The following ZNF99 variants were observed in gnomAD, a reference collection of about 807,000 sequenced individuals.
ZNF99 encodes zinc finger protein 99.
Under a neutral mutation model 12.8 loss-of-function variants are expected in ZNF99, and 8 were observed. The ratio of observed to expected loss-of-function variants is 0.62; its 90% CI spans 0.37 to 1.13. ZNF99 has a LOEUF of 1.13. ZNF99 is among the 50% of genes most tolerant of loss of function. The probability of loss-of-function intolerance (pLI) is 0.02; values close to 1 mark genes in which losing one functional copy is unlikely to be tolerated. For missense variants in ZNF99, 1,007 were observed against 1,006.2 expected, an observed-to-expected ratio of 1.00 and a Z score of -0.01; for synonymous variants, 318 against 319.0, an observed-to-expected ratio of 1.00 and a Z score of 0.03.
rs1279651033 is a variant in ZNF99, at chr19:22,754,028, T to A, written c.*3286A>T. ...GTCATGTCTTTTAGGTTTGTAGAGC[T>A]TCTCTCCAGTATGATTTGATAACTT... On this transcript the variant is annotated 3_prime_UTR_variant, in exon 4 of 4. Transcript: ENST00000596209. 2 of 456,038 alleles carry A rather than the reference T, an allele frequency of 4.4e-6. No individual in the cohort carries two copies. Among genetic ancestry groups the A allele is most frequent in the Non-Finnish European group, 8.8e-6 (2 of 226,812 alleles). The allele number at this position is 456,038 out of a possible 1,614,324, so 28.2% of individuals were successfully genotyped here.
At position 22,758,258 on chromosome 19, in the gene ZNF99, T is replaced by C. The variant is rs1407382493; in HGVS notation, c.1651A>G (p.Thr551Ala). 9 of 1,599,668 alleles carry C rather than the reference T, an allele frequency of 5.6e-6. No homozygotes were observed. The highest frequency in any genetic ancestry group is 2.2e-5 in the South Asian group (2 of 90,162). The change falls in exon 4 of 4, where the codon ACC becomes GCC. Residue 551 changes from threonine to alanine, a missense_variant. By Grantham distance (58) the Thr-to-Ala change is moderately conservative. Coordinates refer to ENST00000596209, the MANE Select transcript of ZNF99 (RefSeq NM_001080409.3). ...ECGKAFNNSSTLMKHKIIHTG... is the reference protein window; with the variant it reads ...ECGKAFNNSSALMKHKIIHTG... ...TGAATTATCTTATGTTTCATAAGGG[T>C]TGAGGAATTGTTAAAAGCTTTGCCA...
rs1303973086 is a variant in ZNF99, at chr19:22,767,079, G to A, written c.226+1226C>T. Among the ~76,000 whole-genome samples the A allele has an allele frequency of 3.5e-5, 5 of 141,678 alleles. No homozygotes were observed. In the Admixed American group the frequency reaches 3.7e-4, roughly 10 times the overall value. 92.9% of individuals were successfully genotyped at this position (141,678 alleles called of 152,430 possible). Reference sequence around the variant, plus strand: ...GATTCCAGGAGTTTGAGAACAGCCTGAGCAACAAAGCAAAACCCTGTCTCT... The same window carrying A: ...GATTCCAGGAGTTTGAGAACAGCCTAAGCAACAAAGCAAAACCCTGTCTCT... On this transcript the variant is annotated intron_variant, in intron 3 of 3. Coordinates refer to ENST00000596209, the MANE Select transcript of ZNF99 (RefSeq NM_001080409.3).
intron 1 of ZNF99, among the ~76,000 whole-genome samples, chr19:22,778,177 CG>C (rs1973350114): frequency 6.6e-6 from 1 of 151,678 alleles, no homozygotes; most frequent in South Asian, 2.1e-4. Context: ...AAGAAAAAGG[CG>C]GTCTGTTATT....
intron 1 of ZNF99, among the ~76,000 whole-genome samples, chr19:22,781,148 C>T (rs1273598473): frequency 6.6e-6 from 1 of 152,098 alleles, no homozygotes; most frequent in Admixed American, 6.5e-5. Flanking sequence ...TATTTTCTTA[C>T]CTTTCAATCC....
At chr19:22,769,115 A>G in intron 2 of ZNF99, 83 bp downstream of exon 2, 2 of 1,453,292 alleles carry the variant, frequency 1.4e-6, no homozygotes, top group Non-Finnish European at 1.9e-6. Context: ...TGCTAAGCAT[A>G]AATCACCAAA....
chr19:22,755,934 G>C lies in ZNF99; in HGVS notation c.*1380C>G, dbSNP rs1490352999. On this transcript the variant is annotated 3_prime_UTR_variant, in exon 4 of 4. Coordinates refer to ENST00000596209, the MANE Select transcript of ZNF99 (RefSeq NM_001080409.3). Reference sequence around the variant, plus strand: ...CAGCTGAGCAATGGTTAAAAGCTTTGTCACCTTTATTATATTTGTAGGGTT... The same window carrying C: ...CAGCTGAGCAATGGTTAAAAGCTTTCTCACCTTTATTATATTTGTAGGGTT... 4.9e-6 allele frequency: 2 copies of C among 404,496 alleles called. No individual in the cohort carries two copies. Among genetic ancestry groups the C allele is most frequent in the South Asian group, 2.3e-5 (1 of 43,132 alleles). The allele number at this position is 404,496 out of a possible 1,614,324, so 25.1% of individuals were successfully genotyped here. A position where few individuals can be genotyped will look rare whatever the true frequency, so the allele number is the denominator to read the frequency against.
Position 22,757,320 on chromosome 19 carries a change from CAT to C in ZNF99, c.2587_2588del (p.Met863GlufsTer142). 1.3e-6 allele frequency: 2 copies of C among 1,590,224 alleles called. 1 individual carries two copies. The highest frequency in any genetic ancestry group is 2.2e-5 in the South Asian group (2 of 89,226). On this transcript the variant is annotated frameshift_variant, in exon 4 of 4. Transcript: ENST00000596209. LOFTEE classifies it high-confidence loss of function. ...LLNISQPLEN[M>X]R Reference sequence around the variant, plus strand: ...GGTTTCTTTCCAGTATGAATTATCTCATGTTTTCTAAGGGCTGAGAAATGTTT... The same window carrying C: ...GGTTTCTTTCCAGTATGAATTATCTCGTTTTCTAAGGGCTGAGAAATGTTT...
At chr19:22,767,755 T>C (rs1642461281) in intron 3 of ZNF99, among the ~76,000 whole-genome samples, 1 of 152,196 alleles carries the variant, frequency 6.6e-6, no homozygotes, top group Non-Finnish European at 1.5e-5. Context: ...TTATGGACTG[T>C]AATATTTTAC....
chr19:22,758,876 C>G lies in ZNF99; in HGVS notation c.1033G>C (p.Glu345Gln), dbSNP rs755944690. The change falls in exon 4 of 4, where the codon GAA becomes CAA. Residue 345 changes from glutamate to glutamine, a missense_variant. Glu to Gln is a conservative substitution (Grantham distance 29). Transcript: ENST00000596209. ...HTGKKPYKCE[E>Q]CGKAFSQSST... ...GACTGGCTAAAAGCTTTGCCACATT[C>G]TTCACATTTGTAGGGTTTCTTTCCA... is the stretch of plus-strand genomic sequence containing the variant. The G allele has an allele frequency of 1.4e-5, 23 of 1,613,656 alleles. No individual in the cohort carries two copies. Among genetic ancestry groups the G allele is most frequent in the Non-Finnish European group, 1.9e-5 (22 of 1,179,912 alleles).
Position 22,759,141 on chromosome 19 carries a change from G to C in ZNF99, c.768C>G (p.Pro256=). 1 of 1,610,316 alleles carries C rather than the reference G, an allele frequency of 6.2e-7. No individual in the cohort carries two copies. The highest frequency in any genetic ancestry group is 8.5e-7 in the Non-Finnish European group (1 of 1,177,984). The part of the protein sequence containing the change: ...KCKIIHTGKK[P]CKCEECGKVF... ...CTTTGCCACATTCTTCACATTTGCAGGGTTTCTTTCCAGTATGAATTATCT... is the reference window on the plus strand; with the variant it reads ...CTTTGCCACATTCTTCACATTTGCACGGTTTCTTTCCAGTATGAATTATCT... Residue 256 remains proline (P), a synonymous_variant, in exon 4 of 4, where the codon CCC becomes CCG. Transcript: ENST00000596209.
intron 3 of ZNF99, among the ~76,000 whole-genome samples, chr19:22,765,234 T>G (rs575488439): frequency 6.6e-6 from 1 of 152,208 alleles, no homozygotes; most frequent in African/African-American, 2.4e-5. Flanking sequence ...AAATCAGAAA[T>G]GGAAAACCAA....
At chr19:22,771,255 T>C (rs1216537031) in intron 1 of ZNF99, 2 of 129,136 alleles carry the variant, frequency 1.5e-5, no homozygotes, top group Admixed American at 7.8e-5. Context: ...TCTTTTTTTT[T>C]TTTTTTTTTT....
chr19:22,761,502 T>C (rs1329220418), intron 3 of ZNF99, among the ~76,000 whole-genome samples: 1 of 152,164 alleles, frequency 6.6e-6, no homozygotes, highest in Non-Finnish European at 1.5e-5. Flanking sequence ...CAATTACTAG[T>C]AGACCTAATA....
chr19:22,777,680 A>G (rs1475587129), intron 1 of ZNF99, among the ~76,000 whole-genome samples: 1 of 152,182 alleles, frequency 6.6e-6, no homozygotes. Context: ...CAGGTTGTCC[A>G]GAACCTCATG....
At position 22,757,494 on chromosome 19, in the gene ZNF99, T is replaced by C. The variant is rs71357940; in HGVS notation, c.2415A>G (p.Arg805=). ...CTCCAGTATGAATTATCTCATGTTT[T>C]CTAAGGGTTGAGGAATTGTTAAAAG... ...GKAFNNSSTL[R]KHEIIHTGEK... Residue 805 remains arginine (R), a synonymous_variant, in exon 4 of 4, where the codon AGA becomes AGG. Transcript: ENST00000596209. 116 of 1,608,898 alleles carry C rather than the reference T, an allele frequency of 7.2e-5. No individual in the cohort carries two copies. The highest frequency in any genetic ancestry group is 1.6e-4 in the East Asian group (7 of 44,622).
Position 22,752,400 on chromosome 19 carries a change from C to G in ZNF99, c.*4914G>C, listed in dbSNP as rs2145320612. On this transcript the variant is annotated 3_prime_UTR_variant, in exon 4 of 4. Transcript: ENST00000596209. ...TATTTTATGCTGGTATCAAAATATG[C>G]TATATATGGCAGAAATATATCTACA... 6.6e-6 allele frequency: 1 copy of G among 150,508 alleles called. No homozygotes were observed. Among genetic ancestry groups the G allele is most frequent in the East Asian group, 2.0e-4 (1 of 5,056 alleles). 9.3% of individuals were successfully genotyped at this position (150,508 alleles called of 1,614,324 possible).
At chr19:22,763,428 G>A (rs1361762292) in intron 3 of ZNF99, among the ~76,000 whole-genome samples, 1 of 151,754 alleles carries the variant, frequency 6.6e-6, no homozygotes, top group Non-Finnish European at 1.5e-5. Context: ...TAACCAAGGA[G>A]GTAAAAGACC....
At chr19:22,771,445 C>T (rs907766913) in intron 1 of ZNF99, among the ~76,000 whole-genome samples, 5 of 151,068 alleles carry the variant, frequency 3.3e-5, no homozygotes, top group African/African-American at 1.2e-4. Context: ...TTAGTAGAGA[C>T]AGGGTTTCAC....
chr19:22,754,426 A>G lies in ZNF99; in HGVS notation c.*2888T>C, dbSNP rs1328541518. 1 of 404,742 alleles carries G rather than the reference A, an allele frequency of 2.5e-6. No individual in the cohort carries two copies. Among genetic ancestry groups the G allele is most frequent in the East Asian group, 7.2e-5 (1 of 13,880 alleles). The allele number at this position is 404,742 out of a possible 1,614,324, so 25.1% of individuals were successfully genotyped here. A position where few individuals can be genotyped will look rare whatever the true frequency, so the allele number is the denominator to read the frequency against. Reference sequence around the variant, plus strand: ...ATTTGTAGAATTTCTCTACAACATAAATTATCTTATGTGTAATAAGGGTTG... The same window carrying G: ...ATTTGTAGAATTTCTCTACAACATAGATTATCTTATGTGTAATAAGGGTTG... On this transcript the variant is annotated 3_prime_UTR_variant, in exon 4 of 4. Coordinates refer to ENST00000596209, the MANE Select transcript of ZNF99 (RefSeq NM_001080409.3).
Sources: allele counts gnomAD v4.1 joint callset (sites outside exome capture counted in the v4.1 genomes callset), GRCh38; gene constraint gnomAD v4.1.1; transcripts MANE v1.5; gene names NCBI Gene and HGNC (gene_info 2026-07-23, HGNC 2026-07-21).